Variants in LYST observed in about 807,000 individuals in gnomAD.
LYST encodes lysosomal trafficking regulator, also known as lysosomal-trafficking regulator.
Under a neutral mutation model 413.6 loss-of-function variants are expected in LYST, and 192 were observed. The observed-to-expected ratio is 0.46, with a 90% confidence interval of 0.41 to 0.52. LYST has a LOEUF of 0.52. LYST is among the 20% of genes least tolerant of loss of function. LYST has a pLI of 0.00. For missense variants in LYST, 3,815 were observed against 4,499.9 expected, an observed-to-expected ratio of 0.85 and a Z score of 4.35; for synonymous variants, 1,525 against 1,567.3, an observed-to-expected ratio of 0.97 and a Z score of 0.64.
At chr1:235,847,213 G>A (rs1677983376) in intron 1 of LYST, among the ~76,000 whole-genome samples, 1 of 152,150 alleles carries the variant, frequency 6.6e-6, no homozygotes, top group East Asian at 1.9e-4. Context: ...AGGGATTGGG[G>A]CCCTAACTTC....
chr1:235,763,207 T>A (rs1667766728), intron 21 of LYST, among the ~76,000 whole-genome samples: 1 of 152,240 alleles, frequency 6.6e-6, no homozygotes. Context: ...TCTTTTATTT[T>A]TATATATCCC....
intron 1 of LYST, among the ~76,000 whole-genome samples, chr1:235,879,886 G>A (rs958313093): frequency 4.6e-5 from 7 of 152,120 alleles, no homozygotes; most frequent in East Asian, 3.9e-4. Context: ...ATGGGCATGC[G>A]CCACCACGCC....
intron 1 of LYST, chr1:235,839,731 G>C (rs1676998792): frequency 6.6e-6 from 1 of 151,558 alleles, no homozygotes; most frequent in Non-Finnish European, 1.5e-5. Flanking sequence ...GCTTGAACCT[G>C]GGAGAGAAGG....
chr1:235,846,377 C>T (rs1361016567), intron 1 of LYST, among the ~76,000 whole-genome samples: 1 of 152,152 alleles, frequency 6.6e-6, no homozygotes, highest in Non-Finnish European at 1.5e-5. Context: ...GAACAACAGT[C>T]TTCAGCCCTA....
At chr1:235,833,120 C>T (rs1401433142) in intron 2 of LYST, among the ~76,000 whole-genome samples, 1 of 151,502 alleles carries the variant, frequency 6.6e-6, no homozygotes, top group East Asian at 1.9e-4. Context: ...ACTAACAGAA[C>T]AACATCAGTT....
In LYST at chr1:235,742,057, A is replaced by G. The variant is rs374531662; in HGVS notation, c.8152-429T>C. Among the ~76,000 whole-genome samples, 28 of 152,362 alleles carry G rather than the reference A, an allele frequency of 1.8e-4. No homozygotes were observed. In the East Asian group the frequency reaches 4.8e-3, roughly 26 times the overall value. The stretch of plus-strand genomic sequence containing the variant: ...TCTATTTGTATGAGATATCTAGAAC[A>G]GTCAAACTCACAGAGACAGAAAGTA... On this transcript the variant is annotated intron_variant, in intron 30 of 52. Transcript: ENST00000389793.
At chr1:235,876,510 T>A (rs1681142913) in intron 1 of LYST, among the ~76,000 whole-genome samples, 1 of 152,216 alleles carries the variant, frequency 6.6e-6, no homozygotes, top group Admixed American at 6.5e-5. Flanking sequence ...CACAGAAGAA[T>A]ATAAATAGTT....
intron 20 of LYST, among the ~76,000 whole-genome samples, chr1:235,766,657 C>CT (rs1399940442): frequency 6.6e-6 from 1 of 152,094 alleles, no homozygotes; most frequent in African/African-American, 2.4e-5. Context: ...CTTTCTTTGT[C>CT]TATGTGAGTA....
In LYST at chr1:235,808,587, T is replaced by C. The variant is rs1439470903; in HGVS notation, c.2231A>G (p.Glu744Gly). 1 of 1,613,976 alleles carries C rather than the reference T, an allele frequency of 6.2e-7. No individual in the cohort carries two copies. Among genetic ancestry groups the C allele is most frequent in the Non-Finnish European group, 8.5e-7 (1 of 1,179,978 alleles). Residue 744 changes from glutamate to glycine, a missense_variant, in exon 5 of 53, where the codon GAA becomes GGA. Around this residue, in one of 4 missense-constraint regions of LYST, gnomAD observed 1,648 missense variants for 1,810.3 expected, o/e 0.91. Transcript: ENST00000389793. ...IFNPVLQRGV[E>G]LAHHCQHLSV... ...TAGGTGTTGACAATGATGTGCTAAT[T>C]CAACTCCTCTTTGGAGCACAGGATT...
chr1:235,778,634 G>A (rs1392667493), intron 16 of LYST, among the ~76,000 whole-genome samples: 1 of 151,882 alleles, frequency 6.6e-6, no homozygotes, highest in Non-Finnish European at 1.5e-5. Flanking sequence ...TGATCTGCCC[G>A]CCTCAGCCTC....
intron 50 of LYST, among the ~76,000 whole-genome samples, chr1:235,670,474 T>C (rs1046834423): frequency 6.6e-6 from 1 of 152,196 alleles, no homozygotes; most frequent in Non-Finnish European, 1.5e-5. Context: ...GATCCCATTC[T>C]CCTCCGGAGA....
At chr1:235,676,966 G>T in intron 50 of LYST, 125 bp downstream of exon 50, 1 of 745,964 alleles carries the variant, frequency 1.3e-6, no homozygotes, top group Admixed American at 1.9e-5. Flanking sequence ...ACACATACAT[G>T]CTGTTACCAA....
intron 3 of LYST, among the ~76,000 whole-genome samples, chr1:235,819,649 T>C (rs192493676): frequency 6.6e-6 from 1 of 152,304 alleles, no homozygotes; most frequent in East Asian, 1.9e-4. Context: ...TTAATACTTT[T>C]ATTTTGTTTT....
At position 235,801,066 on chromosome 1, in the gene LYST, G is replaced by C; in HGVS notation, c.3744C>G (p.Phe1248Leu). The C allele has an allele frequency of 6.2e-7, 1 of 1,612,124 alleles. No homozygotes were observed. The change falls in exon 9 of 53, where the codon TTC becomes TTG. Residue 1248 changes from phenylalanine to leucine, a missense_variant. Around this residue, in one of 4 missense-constraint regions of LYST, gnomAD observed 1,648 missense variants for 1,810.3 expected, o/e 0.91. Coordinates refer to ENST00000389793, the MANE Select transcript of LYST (RefSeq NM_000081.4). ...AGTCATTTGGACTGCTTGATGCACT[G>C]AAACCTTCTGTTTCAGACTTTAAGT... ...GVDLKSETEG[F>L]SASSSPNDLL... is the part of the protein sequence containing the mutation.
Position 235,777,405 on chromosome 1 carries a change from T to G in LYST, c.5215-97A>C. Reference sequence around the variant, plus strand: ...ATTTCAAAGTGAAAACACACTCAACTGATCCTTTTCTTTGTTTAAAAAACA... The same window carrying G: ...ATTTCAAAGTGAAAACACACTCAACGGATCCTTTTCTTTGTTTAAAAAACA... On this transcript the variant is annotated intron_variant, in intron 16 of 52. Transcript: ENST00000389793. 4.9e-6 allele frequency: 5 copies of G among 1,013,720 alleles called. No individual in the cohort carries two copies. The South Asian group carries it at 6.8e-5, about 14-fold the overall frequency. The allele number at this position is 1,013,720 out of a possible 1,614,324, so 62.8% of individuals were successfully genotyped here.
intron 1 of LYST, among the ~76,000 whole-genome samples, chr1:235,864,191 C>T (rs927877313): frequency 6.6e-6 from 1 of 152,126 alleles, no homozygotes; most frequent in African/African-American, 2.4e-5. Flanking sequence ...GTCTCCCTCC[C>T]CTACTGCAGG....
rs1672147520 is a variant in LYST, at chr1:235,800,966, T to C, written c.3844A>G (p.Ser1282Gly). The C allele has an allele frequency of 1.9e-6, 3 of 1,613,366 alleles. No homozygotes were observed. Among genetic ancestry groups the C allele is most frequent in the African/African-American group, 2.7e-5 (2 of 74,920 alleles). Residue 1282 changes from serine (S) to glycine (G), a missense_variant, in exon 9 of 53, where the codon AGT becomes GGT. Ser to Gly is a moderately conservative substitution (Grantham distance 56). Transcript: ENST00000389793. ...CMLELNLLSASKAKLDVLAHV... is the reference protein window; with the variant it reads ...CMLELNLLSAGKAKLDVLAHV... ...GCAAGCACATCAAGTTTGGCTTTAC[T>C]AGCAGAAAGCAAATTTAATTCCAGC...
In LYST at chr1:235,780,851, A is replaced by C. The variant is rs1360784565; in HGVS notation, c.5214+14T>G. ...ATTTACTATAAAATTAAAATTTATA[A>C]AATTAAAACTTACAATTAAGAGACC... is the stretch of plus-strand genomic sequence containing the variant. On this transcript the variant is annotated intron_variant, in intron 16 of 52. Transcript: ENST00000389793. 1.7e-6 allele frequency: 2 copies of C among 1,192,666 alleles called. No homozygotes were observed. The highest frequency in any genetic ancestry group is 4.5e-5 in the Admixed American group (2 of 44,738). 73.9% of individuals were successfully genotyped at this position (1,192,666 alleles called of 1,614,324 possible). A position where few individuals can be genotyped will look rare whatever the true frequency, so the allele number is the denominator to read the frequency against.
chr1:235,757,360 A>G lies in LYST; in HGVS notation c.6980T>C (p.Met2327Thr). The G allele has an allele frequency of 6.2e-7, 1 of 1,613,512 alleles. No homozygotes were observed. The highest frequency in any genetic ancestry group is 8.5e-7 in the Non-Finnish European group (1 of 1,179,592). The stretch of plus-strand genomic sequence containing the variant: ...TGTATCTGCTTGAATAAGCTTGTCC[A>G]TCACATCTTCAAGCAAAACATCAGG... ...ILPDVLLEDV[M>T]DKLIQADTLL... Residue 2327 changes from methionine (M) to threonine (T), a missense_variant, in exon 24 of 53, where the codon ATG (methionine) becomes ACG (threonine). By Grantham distance (81) the Met-to-Thr change is moderately conservative. Coordinates refer to ENST00000389793, the MANE Select transcript of LYST (RefSeq NM_000081.4).
Sources: gnomAD v4.1 joint callset for allele counts (sites outside exome capture counted in the v4.1 genomes callset) on GRCh38, gnomAD v4.1.1 for gene constraint, gnomAD v4.1.1 regional missense constraint, MANE v1.5 for transcripts, NCBI Gene and HGNC (gene_info 2026-07-23, HGNC 2026-07-21) for gene names.